MTCL3: variants seen among roughly 807,000 people sequenced by gnomAD.
MTCL3 encodes microtubule cross-linking factor 3.
the MTCL3 span, among the ~76,000 whole-genome samples, chr6:127,508,378 A>C: frequency 6.6e-6 from 1 of 152,188 alleles, no homozygotes; most frequent in Non-Finnish European, 1.5e-5. Flanking sequence ...ATATACTCTC[A>C]AGGGACTCTA....
chr6:127,515,977 C>T, the MTCL3 span: 15 of 1,592,900 alleles, frequency 9.4e-6, no homozygotes, highest in East Asian at 2.0e-4. This position sits in a 1 kb window ranked among gnomAD's most constrained non-coding sequence, Gnocchi z 4.3. Context: ...AGGGGAGGCC[C>T]CCTCCCCGCC....
chr6:127,475,704 T>C, the MTCL3 span: 36 of 1,584,974 alleles, frequency 2.3e-5, no homozygotes, highest in Non-Finnish European at 3.1e-5. This position sits in a 1 kb window ranked among gnomAD's most constrained non-coding sequence, Gnocchi z 7.3. Context: ...CGATGGGCCC[T>C]TCGCGCTTGC....
At chr6:127,475,799 C>G in the MTCL3 span, 1 of 1,612,050 alleles carries the variant, frequency 6.2e-7, no homozygotes, top group African/African-American at 1.3e-5. This position sits in a 1 kb window ranked among gnomAD's most constrained non-coding sequence, Gnocchi z 7.3. Flanking sequence ...CCGCGGATGC[C>G]CAGGTGCGAG....
the MTCL3 span, chr6:127,513,128 C>T: frequency 7.9e-7 from 1 of 1,268,268 alleles, no homozygotes; most frequent in Non-Finnish European, 1.1e-6. Context: ...CTATTGAAAG[C>T]ATTAAAACCC....
chr6:127,487,184 GT>G, the MTCL3 span, among the ~76,000 whole-genome samples: 1 of 152,136 alleles, frequency 6.6e-6, no homozygotes, highest in African/African-American at 2.4e-5. Flanking sequence ...AAATTAGCCA[GT>G]TTCAGAGTTC....
At chr6:127,494,701 G>C in the MTCL3 span, among the ~76,000 whole-genome samples, 1 of 152,180 alleles carries the variant, frequency 6.6e-6, no homozygotes, top group Non-Finnish European at 1.5e-5. Context: ...TTTGGAGCAG[G>C]GTATGGGTTA....
the MTCL3 span, among the ~76,000 whole-genome samples, chr6:127,497,414 CAT>C: frequency 6.6e-6 from 1 of 152,146 alleles, no homozygotes; most frequent in African/African-American, 2.4e-5. Flanking sequence ...GGGGAAGAAA[CAT>C]AGGTAGAAAA....
chr6:127,478,303 T>C, the MTCL3 span, among the ~76,000 whole-genome samples: 2 of 152,160 alleles, frequency 1.3e-5, no homozygotes, highest in South Asian at 2.1e-4. Context: ...GCTTTCAAAA[T>C]AGGATGTACT....
the MTCL3 span, among the ~76,000 whole-genome samples, chr6:127,511,232 T>G: frequency 6.6e-6 from 1 of 152,314 alleles, no homozygotes; most frequent in South Asian, 2.1e-4. Context: ...ACTTCTAGAC[T>G]GCAGAACTGT....
chr6:127,473,413 CAAAG>C, the MTCL3 span: 1 of 1,473,492 alleles, frequency 6.8e-7, no homozygotes, highest in South Asian at 1.3e-5. Flanking sequence ...AATGCAAAGA[CAAAG>C]AGAAGAGTTA....
At chr6:127,477,890 T>C in the MTCL3 span, among the ~76,000 whole-genome samples, 5 of 152,182 alleles carry the variant, frequency 3.3e-5, no homozygotes, top group Admixed American at 2.0e-4. Context: ...GCACAGTCTA[T>C]ATTCTGGCTG....
chr6:127,504,550 G>A, the MTCL3 span, among the ~76,000 whole-genome samples: 1 of 152,302 alleles, frequency 6.6e-6, no homozygotes, highest in African/African-American at 2.4e-5. Context: ...GGGTGGCCAT[G>A]GTAGAGGGGA....
chr6:127,514,416 C>T, the MTCL3 span, among the ~76,000 whole-genome samples: 1 of 152,216 alleles, frequency 6.6e-6, no homozygotes, highest in Admixed American at 6.5e-5. Context: ...TTCAACTCCC[C>T]CAGAGGAGTC....
chr6:127,504,062 T>C, the MTCL3 span, among the ~76,000 whole-genome samples: 40 of 152,292 alleles, frequency 2.6e-4, no homozygotes, highest in African/African-American at 9.1e-4. Flanking sequence ...GTCAGGAAAC[T>C]GTAAACAGTT....
the MTCL3 span, among the ~76,000 whole-genome samples, chr6:127,495,274 A>T: frequency 6.6e-6 from 1 of 152,162 alleles, no homozygotes; most frequent in Non-Finnish European, 1.5e-5. Flanking sequence ...GACAACAACA[A>T]ATGCAGAGAT....
chr6:127,499,965 C>T, the MTCL3 span, among the ~76,000 whole-genome samples: 20 of 152,186 alleles, frequency 1.3e-4, no homozygotes, highest in African/African-American at 4.3e-4. Context: ...TTAGTTTTCA[C>T]TGGCCTCTAT....
At chr6:127,490,045 C>T in the MTCL3 span, among the ~76,000 whole-genome samples, 1 of 152,156 alleles carries the variant, frequency 6.6e-6, no homozygotes, top group South Asian at 2.1e-4. Flanking sequence ...TGTTGGGTGC[C>T]AAAATAGCTG....
At chr6:127,497,137 T>C in the MTCL3 span, among the ~76,000 whole-genome samples, 3 of 152,176 alleles carry the variant, frequency 2.0e-5, no homozygotes, top group Non-Finnish European at 4.4e-5. Context: ...TACTACAAAA[T>C]CACTGAATTG....
At chr6:127,481,429 T>C in the MTCL3 span, 19 of 985,240 alleles carry the variant, frequency 1.9e-5, no homozygotes, top group Middle Eastern at 1.0e-3. Flanking sequence ...TGTGAGACTC[T>C]CTGGGATTCT....
Sources: allele counts gnomAD v4.1 joint callset (sites outside exome capture counted in the v4.1 genomes callset), GRCh38; gene constraint gnomAD v4.1.1; non-coding constraint Gnocchi (gnomAD v3.1); transcripts MANE v1.5; gene names NCBI Gene and HGNC (gene_info 2026-07-23, HGNC 2026-07-21).